The following ZBBX variants were observed in gnomAD, a reference collection of about 807,000 sequenced individuals.
ZBBX encodes the protein zinc finger B-box domain containing.
Under a neutral mutation model 108.5 loss-of-function variants are expected in ZBBX, and 101 were observed. The ratio of observed to expected loss-of-function variants is 0.93; its 90% CI spans 0.79 to 1.10. The LOEUF (loss-of-function observed/expected upper bound fraction) is 1.10. Among genes scored for constraint, ZBBX ranks in the 50% least tolerant of loss-of-function variants. ZBBX has a pLI of 0.00. For missense variants in ZBBX, 1,009 were observed against 941.4 expected, an observed-to-expected ratio of 1.07 and a Z score of -0.94; for synonymous variants, 356 against 323.4, an observed-to-expected ratio of 1.10 and a Z score of -1.08.
At chr3:167,245,925 A>G (rs992237690) in intron 20 of ZBBX, among the ~76,000 whole-genome samples, 1 of 152,202 alleles carries the variant, frequency 6.6e-6, no homozygotes, top group African/African-American at 2.4e-5. Flanking sequence ...TAAAGGTTTC[A>G]AATTATTTAT....
the ZBBX span, among the ~76,000 whole-genome samples, chr3:167,196,971 T>C: frequency 6.6e-6 from 1 of 152,190 alleles, no homozygotes; most frequent in Non-Finnish European, 1.5e-5. Context: ...TCTACCATAA[T>C]TTCTTTCTTC....
chr3:167,186,135 TA>T, the ZBBX span, among the ~76,000 whole-genome samples: 1 of 151,962 alleles, frequency 6.6e-6, no homozygotes, highest in African/African-American at 2.4e-5. Context: ...TACTGGTAGA[TA>T]AAAATGGTAT....
chr3:167,241,368 A>G lies in ZBBX; in HGVS notation c.2394-449T>C, dbSNP rs149564804. 1.6e-3 allele frequency among the ~76,000 whole-genome samples: 251 copies of G among 152,334 alleles called. 1 individual carries two copies. Among genetic ancestry groups the G allele is most frequent in the African/African-American group, 4.8e-3 (199 of 41,578 alleles). On this transcript the variant is annotated intron_variant, in intron 21 of 21. Coordinates refer to ENST00000675490, the MANE Select transcript of ZBBX (RefSeq NM_001199201.2). Reference sequence around the variant, plus strand: ...TCAAGATATGCTGAAGCAAAAATTAATGACGGCATTTGTTTGTTATTTTAT... The same window carrying G: ...TCAAGATATGCTGAAGCAAAAATTAGTGACGGCATTTGTTTGTTATTTTAT...
chr3:167,200,418 C>A, the ZBBX span, among the ~76,000 whole-genome samples: 3 of 152,108 alleles, frequency 2.0e-5, no homozygotes, highest in African/African-American at 7.2e-5. Context: ...TAGTCTTCAG[C>A]ATCATCTCAT....
At chr3:167,358,022 G>A (rs1475169247) in intron 8 of ZBBX, among the ~76,000 whole-genome samples, 7 of 152,052 alleles carry the variant, frequency 4.6e-5, no homozygotes, top group Non-Finnish European at 1.0e-4. Flanking sequence ...TCTGGGGACT[G>A]TTGTTGAGAG....
chr3:167,233,811 T>C, the ZBBX span, among the ~76,000 whole-genome samples: 1 of 150,176 alleles, frequency 6.7e-6, no homozygotes, highest in Non-Finnish European at 1.5e-5. Context: ...TCTGGTTTTA[T>C]AGCAAAAGGA....
chr3:167,338,378 T>C (rs1361463425), intron 9 of ZBBX, among the ~76,000 whole-genome samples: 2 of 152,152 alleles, frequency 1.3e-5, no homozygotes, highest in Non-Finnish European at 2.9e-5. Context: ...AGCCCAAGAA[T>C]AAAAGTTTTA....
intron 18 of ZBBX, among the ~76,000 whole-genome samples, chr3:167,294,621 G>A (rs1188334886): frequency 6.6e-6 from 1 of 152,150 alleles, no homozygotes; most frequent in Non-Finnish European, 1.5e-5. Flanking sequence ...ATACCATTCA[G>A]GACATAGGCA....
At chr3:167,283,109 A>G (rs1430913017) in intron 19 of ZBBX, among the ~76,000 whole-genome samples, 1 of 152,232 alleles carries the variant, frequency 6.6e-6, no homozygotes, top group Non-Finnish European at 1.5e-5. Flanking sequence ...AAGTTCCAGA[A>G]GCACCGATCT....
intron 11 of ZBBX, among the ~76,000 whole-genome samples, chr3:167,323,247 G>T (rs1045582437): frequency 1.7e-4 from 25 of 148,130 alleles, no homozygotes; most frequent in African/African-American, 5.2e-4. Context: ...GAGGGGGGGG[G>T]GGGAAAGAAC....
chr3:167,366,473 A>C (rs1745329569), intron 5 of ZBBX, among the ~76,000 whole-genome samples: 1 of 151,882 alleles, frequency 6.6e-6, no homozygotes, highest in African/African-American at 2.4e-5. Flanking sequence ...TACAGTTTTT[A>C]AAGCACTTGA....
the ZBBX span, among the ~76,000 whole-genome samples, chr3:167,206,063 T>C: frequency 6.6e-6 from 1 of 152,222 alleles, no homozygotes; most frequent in African/African-American, 2.4e-5. Flanking sequence ...TTATTTCTAG[T>C]CCTTATTTGG....
Position 167,368,069 on chromosome 3 carries a change from A to C in ZBBX, c.182+392T>G, listed in dbSNP as rs893220709. 3.7e-4 allele frequency among the ~76,000 whole-genome samples: 56 copies of C among 149,904 alleles called. 1 individual carries two copies. The highest frequency in any genetic ancestry group is 1.3e-3 in the African/African-American group (54 of 41,090). The stretch of plus-strand genomic sequence containing the variant: ...GAACTCTTGCTCCCAAAAGCTTTTG[A>C]ATACATAAAAATGGCTCTAAACATA... On this transcript the variant is annotated intron_variant, in intron 5 of 21. Transcript: ENST00000675490.
chr3:167,358,809 G>A (rs1744027998), intron 8 of ZBBX, among the ~76,000 whole-genome samples: 1 of 151,666 alleles, frequency 6.6e-6, no homozygotes, highest in Non-Finnish European at 1.5e-5. Flanking sequence ...GGTGACGCGT[G>A]CCTATAATCC....
intron 9 of ZBBX, among the ~76,000 whole-genome samples, chr3:167,346,585 T>C (rs1741492613): frequency 6.6e-6 from 1 of 151,934 alleles, no homozygotes; most frequent in Non-Finnish European, 1.5e-5. Context: ...CAGCCTAGAA[T>C]ACTTGCTTTT....
At chr3:167,183,349 T>C in the ZBBX span, among the ~76,000 whole-genome samples, 1 of 152,188 alleles carries the variant, frequency 6.6e-6, no homozygotes, top group Non-Finnish European at 1.5e-5. Flanking sequence ...TCCTCCAGCA[T>C]AGTTCCACGT....
At chr3:167,229,015 G>T in the ZBBX span, among the ~76,000 whole-genome samples, 1 of 151,810 alleles carries the variant, frequency 6.6e-6, no homozygotes, top group African/African-American at 2.4e-5. Flanking sequence ...ATCCCTAGAG[G>T]TTAGAAGGAT....
intron 16 of ZBBX, among the ~76,000 whole-genome samples, chr3:167,309,816 C>T (rs1734275808): frequency 1.3e-5 from 2 of 152,198 alleles, no homozygotes; most frequent in South Asian, 2.1e-4. Flanking sequence ...ATAGTTGGTT[C>T]CTCTTTATTT....
At chr3:167,401,770 G>T (rs1350666665) in intron 1 of ZBBX, among the ~76,000 whole-genome samples, 1 of 152,150 alleles carries the variant, frequency 6.6e-6, no homozygotes, top group Non-Finnish European at 1.5e-5. Flanking sequence ...TACTTAGAAT[G>T]CCTTAACTGT....
Sources: gnomAD v4.1 joint callset for allele counts (sites outside exome capture counted in the v4.1 genomes callset) on GRCh38, gnomAD v4.1.1 for gene constraint, MANE v1.5 for transcripts, NCBI Gene and HGNC (gene_info 2026-07-23, HGNC 2026-07-21) for gene names.